Variants in DNAH7 observed in about 807,000 individuals in gnomAD.
DNAH7 encodes axonemal beta dynein heavy chain 7.
Under a neutral mutation model 444.6 loss-of-function variants are expected in DNAH7, and 397 were observed. The observed-to-expected ratio is 0.89, with a 90% confidence interval of 0.82 to 0.97. The LOEUF (loss-of-function observed/expected upper bound fraction) is 0.97. Ranked by LOEUF, DNAH7 falls within the 50% of genes least tolerant of loss-of-function variation. The pLI, the probability that DNAH7 is intolerant of heterozygous loss-of-function variation, is 0.00. For missense variants in DNAH7, 4,902 were observed against 4,800.8 expected, an observed-to-expected ratio of 1.02 and a Z score of -0.62; for synonymous variants, 1,636 against 1,624.4, an observed-to-expected ratio of 1.01 and a Z score of -0.17.
intron 12 of DNAH7, 130 bp from the exon 13 acceptor site, chr2:195,988,359 C>T (rs1693066855): frequency 8.9e-6 from 7 of 790,960 alleles, no homozygotes; most frequent in Non-Finnish European, 1.1e-5. Flanking sequence ...ACTGTTTAAC[C>T]TCTAATCTAT....
intron 10 of DNAH7, among the ~76,000 whole-genome samples, chr2:196,007,853 G>A (rs1245648515): frequency 1.3e-5 from 2 of 152,066 alleles, no homozygotes; most frequent in African/African-American, 2.4e-5. Context: ...CCAGTCTCAG[G>A]TATGTCTTTA....
chr2:195,836,343 C>A (rs1222926983), intron 47 of DNAH7, among the ~76,000 whole-genome samples: 1 of 151,910 alleles, frequency 6.6e-6, no homozygotes, highest in African/African-American at 2.4e-5. Context: ...ATAGCAAAAC[C>A]CCATCTCTAC....
chr2:195,876,731 T>C (rs772513756), intron 36 of DNAH7, 32 bp from the exon 37 acceptor site: 11 of 1,448,732 alleles, frequency 7.6e-6, no homozygotes, highest in African/African-American at 2.9e-5. Context: ...TGAGCCATAG[T>C]TGGAATTATG....
At chr2:195,841,856 G>A (rs533643499) in intron 47 of DNAH7, among the ~76,000 whole-genome samples, 1 of 152,056 alleles carries the variant, frequency 6.6e-6, no homozygotes, top group East Asian at 1.9e-4. Context: ...TTACTGTCTA[G>A]AGAGGATTGT....
intron 8 of DNAH7, among the ~76,000 whole-genome samples, chr2:196,022,937 T>C (rs1464203525): frequency 6.6e-6 from 1 of 152,218 alleles, no homozygotes. Flanking sequence ...GGTATATTTG[T>C]TACATGGGTA....
intron 14 of DNAH7, among the ~76,000 whole-genome samples, chr2:195,984,949 A>C (rs575271251): frequency 5.3e-5 from 8 of 152,360 alleles, no homozygotes; most frequent in African/African-American, 1.9e-4. Flanking sequence ...ATCAGATAGC[A>C]TAATGGCCCT....
At chr2:195,927,853 T>C (rs1688442800) in intron 21 of DNAH7, among the ~76,000 whole-genome samples, 1 of 152,152 alleles carries the variant, frequency 6.6e-6, no homozygotes, top group South Asian at 2.1e-4. Context: ...TAGAACTGTA[T>C]ACTGCACTTG....
intron 27 of DNAH7, chr2:195,904,855 T>C (rs1686919431): frequency 6.6e-6 from 1 of 152,098 alleles, no homozygotes; most frequent in African/African-American, 2.4e-5. Context: ...AATGATACTT[T>C]CTGGGCCCCA....
chr2:195,838,807 T>C (rs1040102142), intron 47 of DNAH7, among the ~76,000 whole-genome samples: 1 of 151,578 alleles, frequency 6.6e-6, no homozygotes, highest in Non-Finnish European at 1.5e-5. Context: ...TTAGAAAAAA[T>C]AGACTTCAGA....
intron 14 of DNAH7, among the ~76,000 whole-genome samples, chr2:195,985,730 G>T (rs184088264): frequency 6.6e-6 from 1 of 152,134 alleles, no homozygotes; most frequent in Non-Finnish European, 1.5e-5. Context: ...TAAGAGGCAG[G>T]GGAAGTAGCT....
chr2:195,848,376 C>T (rs1699143554), intron 46 of DNAH7, among the ~76,000 whole-genome samples: 1 of 152,188 alleles, frequency 6.6e-6, no homozygotes, highest in Admixed American at 6.5e-5. Flanking sequence ...TCACAGAAAT[C>T]ATGTGCTCTT....
Position 195,864,264 on chromosome 2 carries a change from T to C in DNAH7, c.7391A>G (p.His2464Arg), listed in dbSNP as rs201741936. The change falls in exon 41 of 65, where the codon CAT (histidine) becomes CGT (arginine). Residue 2464 changes from histidine (H) to arginine (R), a missense_variant. His to Arg is a conservative substitution (Grantham distance 29). Coordinates refer to ENST00000312428, the MANE Select transcript of DNAH7 (RefSeq NM_018897.3). Reference sequence around the variant, plus strand: ...GACCACATGCAGTTGGCTGCGGCAATGATCAATAAACATGTTGAAAAGGGC... The same window carrying C: ...GACCACATGCAGTTGGCTGCGGCAACGATCAATAAACATGTTGAAAAGGGC... ...PIALFNMFID[H>R]CRSQLHVVLA... is the part of the protein sequence containing the mutation. 3.8e-5 allele frequency: 62 copies of C among 1,614,072 alleles called. No individual in the cohort carries two copies. The African/African-American group carries it at 7.7e-4, about 20-fold the overall frequency.
At chr2:195,857,860 A>G in intron 43 of DNAH7, 137 bp from the exon 44 acceptor site, 1 of 740,122 alleles carries the variant, frequency 1.4e-6, no homozygotes. Context: ...ATAGAACTGC[A>G]CTTACACTTT....
At chr2:195,853,089 C>G (rs1054026108) in intron 46 of DNAH7, among the ~76,000 whole-genome samples, 1 of 152,076 alleles carries the variant, frequency 6.6e-6, no homozygotes, top group Non-Finnish European at 1.5e-5. Flanking sequence ...AGAGACTCCC[C>G]ATTTTCACAT....
At chr2:195,804,569 A>T (rs987267046) in intron 54 of DNAH7, among the ~76,000 whole-genome samples, 1 of 152,224 alleles carries the variant, frequency 6.6e-6, no homozygotes. Flanking sequence ...CTGCAAAGTC[A>T]TCTGAGTCTT....
At chr2:195,820,395 T>C (rs896358896) in intron 49 of DNAH7, among the ~76,000 whole-genome samples, 1 of 151,534 alleles carries the variant, frequency 6.6e-6, no homozygotes, top group African/African-American at 2.4e-5. Context: ...AAAACCATCA[T>C]AGTATATGTA....
At chr2:195,834,131 A>C (rs1256341488) in intron 48 of DNAH7, 75 bp downstream of exon 48, 3 of 1,438,940 alleles carry the variant, frequency 2.1e-6, no homozygotes, top group African/African-American at 2.8e-5. Flanking sequence ...CGCTTGAAAC[A>C]ATCTATACAG....
intron 24 of DNAH7, among the ~76,000 whole-genome samples, chr2:195,913,618 C>CA (rs1687489507): frequency 6.6e-6 from 1 of 152,152 alleles, no homozygotes; most frequent in African/African-American, 2.4e-5. Context: ...AATACAGAGC[C>CA]AGCCCCTCTT....
At chr2:195,802,842 C>A (rs73062165) in intron 54 of DNAH7, among the ~76,000 whole-genome samples, 3 of 152,094 alleles carry the variant, frequency 2.0e-5, no homozygotes, top group Admixed American at 2.0e-4. Flanking sequence ...AATCTCTGGT[C>A]ATCCACCCTG....
Sources: gnomAD v4.1 joint callset for allele counts (sites outside exome capture counted in the v4.1 genomes callset) on GRCh38, gnomAD v4.1.1 for gene constraint, MANE v1.5 for transcripts, NCBI Gene and HGNC (gene_info 2026-07-23, HGNC 2026-07-21) for gene names.